Variants in KIDINS220 observed in about 807,000 individuals in gnomAD.
KIDINS220 encodes kinase D interacting substrate 220.
Under a neutral mutation model 157.6 loss-of-function variants are expected in KIDINS220, and 63 were observed. The ratio of observed to expected loss-of-function variants is 0.40; its 90% CI spans 0.33 to 0.49. The LOEUF (loss-of-function observed/expected upper bound fraction) is 0.49, where lower values mean the gene tolerates loss of function less well. Among genes scored for constraint, KIDINS220 ranks in the 20% least tolerant of loss-of-function variants. The probability of loss-of-function intolerance (pLI) is 0.66; values close to 1 mark genes in which losing one functional copy is unlikely to be tolerated. For missense variants in KIDINS220, 1,772 were observed against 2,171.2 expected (o/e 0.82, Z 3.65); for synonymous variants, 732 against 783.6 (o/e 0.93, Z 1.10).
chr2:8,742,350 C>T (rs1227505030), intron 26 of KIDINS220, among the ~76,000 whole-genome samples: 3 of 151,926 alleles, frequency 2.0e-5, no homozygotes, highest in African/African-American at 7.3e-5. Context: ...ATCCTCCTGC[C>T]TCAGCCTTCC....
At position 8,791,185 on chromosome 2, in the gene KIDINS220, CCAAGCATGT is replaced by C; in HGVS notation, c.1307_1315del (p.Asp436_Leu438del). Reference sequence around the variant, plus strand: ...CAGGGCACTGCTATATAAATCATATCCAAGCATGTCACCGTCTGTTTCAGTAGGAGACAA... The same window carrying C: ...CAGGGCACTGCTATATAAATCATATCCACCGTCTGTTTCAGTAGGAGACAA... On this transcript the variant is annotated inframe_deletion, in exon 13 of 30. Coordinates refer to ENST00000256707, the MANE Select transcript of KIDINS220 (RefSeq NM_020738.4). 1 of 1,613,882 alleles carries C rather than the reference CCAAGCATGT, an allele frequency of 6.2e-7. No individual in the cohort carries two copies. The highest frequency in any genetic ancestry group is 8.5e-7 in the Non-Finnish European group (1 of 1,179,840).
chr2:8,803,957 T>C (rs374281241), intron 7 of KIDINS220, among the ~76,000 whole-genome samples: 5 of 152,334 alleles, frequency 3.3e-5, no homozygotes, highest in East Asian at 1.9e-4. Flanking sequence ...AATTTCCCTA[T>C]AGAAATATTT....
At position 8,789,437 on chromosome 2, in the gene KIDINS220, G is replaced by A. The variant is rs538819911; in HGVS notation, c.1621+443C>T. On this transcript the variant is annotated intron_variant, in intron 14 of 29. Coordinates refer to ENST00000256707, the MANE Select transcript of KIDINS220 (RefSeq NM_020738.4). The stretch of plus-strand genomic sequence containing the variant: ...CGAGTAGCTGGGACTACAGGCGCCC[G>A]CCATCTTGCCCGGCTAATTTTTTTG... 1.7e-3 allele frequency among the ~76,000 whole-genome samples: 257 copies of A among 151,802 alleles called. 2 individuals are homozygous for A. Among genetic ancestry groups the A allele is most frequent in the Non-Finnish European group, 3.2e-3 (216 of 67,948 alleles).
At position 8,766,124 on chromosome 2, in the gene KIDINS220, G is replaced by C. The variant is rs557307521; in HGVS notation, c.3011+4546C>G. 3.0e-4 allele frequency among the ~76,000 whole-genome samples: 45 copies of C among 152,172 alleles called. 1 individual carries two copies. Among genetic ancestry groups the C allele is most frequent in the African/African-American group, 1.1e-3 (45 of 41,516 alleles). ...AATCCCCATCTTACTCAGGGTAAAA[G>C]CCAAAGTCCTTACCATGGTCCTCCA... On this transcript the variant is annotated intron_variant, in intron 22 of 29. Transcript: ENST00000256707.
At chr2:8,766,577 G>A (rs781511561) in intron 22 of KIDINS220, among the ~76,000 whole-genome samples, 3 of 152,116 alleles carry the variant, frequency 2.0e-5, no homozygotes, top group Non-Finnish European at 2.9e-5. Flanking sequence ...TTTGTTCATG[G>A]ATACACCCAA....
chr2:8,785,903 T>C lies in KIDINS220; in HGVS notation c.2067A>G (p.Val689=). ...IFRVDPKHLT[V]NAVLISIASV... ...ATGCGATTGATATGAGGACAGCATTTACAGTCAGATGCTTTGGGTCAACTC... is the reference window on the plus strand; with the variant it reads ...ATGCGATTGATATGAGGACAGCATTCACAGTCAGATGCTTTGGGTCAACTC... Residue 689 remains valine (V), a synonymous_variant, in exon 17 of 30, where the codon GTA becomes GTG. Coordinates refer to ENST00000256707, the MANE Select transcript of KIDINS220 (RefSeq NM_020738.4). 6.2e-7 allele frequency: 1 copy of C among 1,614,186 alleles called. No individual in the cohort carries two copies. Among genetic ancestry groups the C allele is most frequent in the Non-Finnish European group, 8.5e-7 (1 of 1,180,016 alleles).
chr2:8,806,433 A>G (rs1353411714), intron 6 of KIDINS220, 64 bp from the exon 7 acceptor site: 1 of 980,582 alleles, frequency 1.0e-6, no homozygotes, highest in Non-Finnish European at 1.5e-6. Flanking sequence ...ACTAGCTCTT[A>G]ACATGAATTT....
chr2:8,824,517 C>T (rs943131651), intron 2 of KIDINS220, among the ~76,000 whole-genome samples: 32 of 151,998 alleles, frequency 2.1e-4, no homozygotes, highest in African/African-American at 7.7e-4. Flanking sequence ...CCCATCTCGA[C>T]TAAGATACAA....
Position 8,800,421 on chromosome 2 carries a change from A to T in KIDINS220, c.879T>A (p.Ala293=). Residue 293 remains alanine (A), a synonymous_variant, in exon 9 of 30, where the codon GCT becomes GCA. Coordinates refer to ENST00000256707, the MANE Select transcript of KIDINS220 (RefSeq NM_020738.4). The part of the protein sequence containing the change: ...EIVRALLQKY[A]DIDIRGQDNK... ...ATACCTGTCCTCTAATGTCTATATC[A>T]GCATATTTTTGGAGAAGCGCTCGAA... is the stretch of plus-strand genomic sequence containing the variant. The T allele has an allele frequency of 6.2e-7, 1 of 1,613,012 alleles. No homozygotes were observed. The highest frequency in any genetic ancestry group is 8.5e-7 in the Non-Finnish European group (1 of 1,179,322).
intron 22 of KIDINS220, among the ~76,000 whole-genome samples, chr2:8,762,629 C>G (rs1487482517): frequency 2.0e-5 from 3 of 152,060 alleles, no homozygotes; most frequent in Non-Finnish European, 4.4e-5. Flanking sequence ...GTCCCAGTTA[C>G]TCAGGAGGCT....
chr2:8,752,978 T>C (rs1667562994), intron 22 of KIDINS220, among the ~76,000 whole-genome samples: 1 of 152,190 alleles, frequency 6.6e-6, no homozygotes, highest in Non-Finnish European at 1.5e-5. Context: ...AATATTCAAT[T>C]AAAAACACTT....
chr2:8,722,489 G>C (rs935324129), downstream of KIDINS220: 4 of 152,174 alleles, frequency 2.6e-5, no homozygotes, highest in Non-Finnish European at 2.9e-5. Context: ...TGGCATGGGA[G>C]CCCCCCAGGA....
intron 22 of KIDINS220, among the ~76,000 whole-genome samples, chr2:8,767,823 A>T (rs1669675295): frequency 6.6e-6 from 1 of 152,246 alleles, no homozygotes; most frequent in Non-Finnish European, 1.5e-5. Context: ...ATAATTTAAA[A>T]ATAACAGGTC....
At chr2:8,790,164 C>T in intron 13 of KIDINS220, 105 bp from the exon 14 acceptor site, 1 of 1,037,136 alleles carries the variant, frequency 9.6e-7, no homozygotes, top group Non-Finnish European at 1.4e-6. Flanking sequence ...ATTTATTGGA[C>T]ACTTAGTAGG....
intron 27 of KIDINS220, among the ~76,000 whole-genome samples, chr2:8,736,047 A>G (rs1431211784): frequency 6.6e-6 from 1 of 152,236 alleles, no homozygotes; most frequent in East Asian, 1.9e-4. Context: ...CAGCTCTGTA[A>G]GGAAACTGAC....
chr2:8,805,799 C>T (rs1162062216), intron 7 of KIDINS220, among the ~76,000 whole-genome samples: 1 of 152,142 alleles, frequency 6.6e-6, no homozygotes, highest in Non-Finnish European at 1.5e-5. Flanking sequence ...CATTGTCTCC[C>T]AACTGCCTGC....
Position 8,836,116 on chromosome 2 carries a change from T to A in KIDINS220, c.-37+1364A>T, listed in dbSNP as rs548856885. The stretch of plus-strand genomic sequence containing the variant: ...AGAAGAGATATTCTGGATATAAAGA[T>A]AAAACTATGTGACTGGTTGGAAAAG... On this transcript the variant is annotated intron_variant, in intron 1 of 29. Transcript: ENST00000256707. Among the ~76,000 whole-genome samples, 265 of 151,710 alleles carry A rather than the reference T, an allele frequency of 1.7e-3. 1 individual carries two copies. Among genetic ancestry groups the A allele is most frequent in the African/African-American group, 6.2e-3 (258 of 41,342 alleles).
intron 13 of KIDINS220, among the ~76,000 whole-genome samples, chr2:8,790,765 G>A (rs966803349): frequency 2.0e-5 from 3 of 152,176 alleles, no homozygotes; most frequent in South Asian, 4.1e-4. Context: ...GACTGAAGCT[G>A]GGGCACATGC....
rs771531837 is a variant in KIDINS220, at chr2:8,748,028, G to T, written c.3415-28C>A. 11 of 1,317,214 alleles carry T rather than the reference G, an allele frequency of 8.4e-6. No homozygotes were observed. The Admixed American group carries it at 2.4e-4, about 28-fold the overall frequency. The allele number at this position is 1,317,214 out of a possible 1,614,324, so 81.6% of individuals were successfully genotyped here. ...ATGGAAAAACATGTAACAAAAAAGG[G>T]GTAAACAATTACAGAAATGAAAGTG... On this transcript the variant is annotated intron_variant, in intron 24 of 29. Coordinates refer to ENST00000256707, the MANE Select transcript of KIDINS220 (RefSeq NM_020738.4).
Sources: allele counts gnomAD v4.1 joint callset (sites outside exome capture counted in the v4.1 genomes callset), GRCh38; gene constraint gnomAD v4.1.1; transcripts MANE v1.5; gene names NCBI Gene and HGNC (gene_info 2026-07-23, HGNC 2026-07-21).